The following GRAMD2B variants were observed in gnomAD, a reference collection of about 807,000 sequenced individuals.
GRAMD2B encodes GRAM domain-containing protein 2B.
A neutral mutation model predicts 59.2 loss-of-function variants in GRAMD2B; 41 were observed. The observed-to-expected ratio is 0.69, with a 90% confidence interval of 0.54 to 0.90. The LOEUF is 0.90. Ranked by LOEUF, GRAMD2B falls within the 40% of genes least tolerant of loss-of-function variation. GRAMD2B has a pLI of 0.00. For missense variants in GRAMD2B, 424 were observed against 500.5 expected (o/e 0.85, Z 1.46); for synonymous variants, 161 against 182.7 (o/e 0.88, Z 0.96).
chr5:126,474,570 G>C (rs1436958465), intron 5 of GRAMD2B, among the ~76,000 whole-genome samples: 1 of 152,178 alleles, frequency 6.6e-6, no homozygotes, highest in African/African-American at 2.4e-5. Context: ...GAATGGGGAA[G>C]GGGATTGGGT....
rs13175527 is a variant in GRAMD2B, at chr5:126,408,897, T to A, written c.125+37330T>A. ...ATGTTCCCCTTCCTGTGTCCATGTG[T>A]TCTCATTGTTCAATTCCCACCTATG... On this transcript the variant is annotated intron_variant, in intron 1 of 8. Transcript: ENST00000506445. Among the ~76,000 whole-genome samples, 14 of 140,184 alleles carry A rather than the reference T, an allele frequency of 1.0e-4. No individual in the cohort carries two copies. The East Asian group carries it at 1.4e-3, about 14-fold the overall frequency. The allele number at this position is 140,184 out of a possible 152,430, so 92.0% of individuals were successfully genotyped here.
chr5:126,424,654 G>C (rs1760273795), intron 1 of GRAMD2B, among the ~76,000 whole-genome samples: 1 of 152,206 alleles, frequency 6.6e-6, no homozygotes, highest in South Asian at 2.1e-4. Flanking sequence ...AGAATGACTT[G>C]CTCCTCACAA....
intron 5 of GRAMD2B, among the ~76,000 whole-genome samples, chr5:126,475,328 A>G (rs1415324478): frequency 6.6e-6 from 1 of 152,162 alleles, no homozygotes; most frequent in Non-Finnish European, 1.5e-5. Flanking sequence ...CTCCTTCTTA[A>G]GGGTGTTCCA....
At chr5:126,367,706 G>C (rs1391881368), upstream of GRAMD2B, among the ~76,000 whole-genome samples, 1 of 152,140 alleles carries the variant, frequency 6.6e-6, no homozygotes, top group East Asian at 1.9e-4. Context: ...ACTTTAATTT[G>C]TAGGGCTTAA....
At chr5:126,457,148 C>T (rs1766433079) in intron 1 of GRAMD2B, among the ~76,000 whole-genome samples, 4 of 120,224 alleles carry the variant, frequency 3.3e-5, no homozygotes, top group Admixed American at 2.5e-4. Context: ...GCCAAGATCG[C>T]GCCACTGCAC....
At chr5:126,384,795 C>T (rs935511463) in intron 1 of GRAMD2B, among the ~76,000 whole-genome samples, 1 of 152,252 alleles carries the variant, frequency 6.6e-6, no homozygotes, top group Non-Finnish European at 1.5e-5. Flanking sequence ...TCTGAGCTGT[C>T]CTTCAAAACT....
At chr5:126,373,166 A>C (rs10053843) in intron 1 of GRAMD2B, among the ~76,000 whole-genome samples, 55,646 of 152,078 alleles carry the variant, frequency 0.37, 12,470 homozygotes, top group Non-Finnish European at 0.5. Context: ...CGACCTAAAA[A>C]AATTTAACAT....
rs181949237 is a variant in GRAMD2B, at chr5:126,389,895, C to A, written c.125+18328C>A. Among the ~76,000 whole-genome samples, 603 of 152,172 alleles carry A rather than the reference C, an allele frequency of 4.0e-3. 6 individuals carry two copies. The highest frequency in any genetic ancestry group is 4.6e-3 in the South Asian group (22 of 4,812). On this transcript the variant is annotated intron_variant, in intron 1 of 8. Coordinates refer to the GRAMD2B transcript ENST00000506445. The stretch of plus-strand genomic sequence containing the variant: ...CCTGGGAGGTGGAGGTTGCAGTGAG[C>A]CAAGATCATGCCACTGCACTCCAAC...
chr5:126,379,465 T>C (rs972194826), intron 1 of GRAMD2B, among the ~76,000 whole-genome samples: 4 of 152,216 alleles, frequency 2.6e-5, no homozygotes, highest in African/African-American at 9.6e-5. Context: ...TTTTCAGTTC[T>C]TTAAGGAATC....
At chr5:126,474,869 G>A (rs900563932) in intron 5 of GRAMD2B, among the ~76,000 whole-genome samples, 1 of 152,218 alleles carries the variant, frequency 6.6e-6, no homozygotes, top group African/African-American at 2.4e-5. Context: ...TACAGAAGCA[G>A]GAGACTGAAA....
exon 1 of GRAMD2B, chr5:126,360,308 T>C: frequency 6.4e-7 from 1 of 1,550,546 alleles, no homozygotes; most frequent in East Asian, 2.4e-5. Flanking sequence ...CAGAGTTTCT[T>C]GAAGATCACC....
At chr5:126,433,509 C>T (rs1395225794) in intron 1 of GRAMD2B, 1 of 152,202 alleles carries the variant, frequency 6.6e-6, no homozygotes, top group Admixed American at 6.5e-5. Context: ...TATTTCCATT[C>T]TACAATTCTA....
chr5:126,440,559 A>G (rs1404618445), intron 1 of GRAMD2B, among the ~76,000 whole-genome samples: 1 of 152,198 alleles, frequency 6.6e-6, no homozygotes, highest in Non-Finnish European at 1.5e-5. Flanking sequence ...TAGAGCTGGA[A>G]ATCTACTCCA....
chr5:126,391,233 C>T (rs1196959395), intron 1 of GRAMD2B, among the ~76,000 whole-genome samples: 3 of 145,546 alleles, frequency 2.1e-5, no homozygotes, highest in East Asian at 2.0e-4. Flanking sequence ...CCCAGCTACT[C>T]GGGAGGCTGA....
chr5:126,384,783 A>G (rs1311347071), intron 1 of GRAMD2B, among the ~76,000 whole-genome samples: 1 of 152,336 alleles, frequency 6.6e-6, no homozygotes, highest in African/African-American at 2.4e-5. Context: ...GGCAGGGTAA[A>G]TTCTGAGCTG....
intron 8 of GRAMD2B, among the ~76,000 whole-genome samples, chr5:126,483,117 A>G (rs1309658715): frequency 6.6e-6 from 1 of 152,058 alleles, no homozygotes; most frequent in African/African-American, 2.4e-5. Flanking sequence ...TTTTTCTCTT[A>G]TATATGTCTG....
At chr5:126,449,493 A>G (rs1287901988) in intron 1 of GRAMD2B, among the ~76,000 whole-genome samples, 1 of 151,190 alleles carries the variant, frequency 6.6e-6, no homozygotes, top group South Asian at 2.1e-4. Flanking sequence ...GAAACCTCAC[A>G]ATCTGAAATA....
intron 10 of GRAMD2B, 31 bp from the exon 11 acceptor site, chr5:126,485,655 A>T: frequency 7.1e-7 from 1 of 1,404,058 alleles, no homozygotes; most frequent in Non-Finnish European, 1.0e-6. Context: ...TTATGGTTTT[A>T]AACAGTTGTT....
chr5:126,429,321 G>A (rs1433202001), intron 1 of GRAMD2B, among the ~76,000 whole-genome samples: 5 of 152,150 alleles, frequency 3.3e-5, no homozygotes, highest in Admixed American at 3.3e-4. Flanking sequence ...CTTATAAGTG[G>A]GAGCTAAATG....
Sources: gnomAD v4.1 joint callset for allele counts (sites outside exome capture counted in the v4.1 genomes callset) on GRCh38, gnomAD v4.1.1 for gene constraint, MANE v1.5 for transcripts, NCBI Gene and HGNC (gene_info 2026-07-23, HGNC 2026-07-21) for gene names.